ADAM20: variants seen among roughly 807,000 people sequenced by gnomAD.
The protein encoded by ADAM20 is ADAM metallopeptidase domain 20, also known as disintegrin and metalloproteinase domain-containing protein 20.
For missense variants in ADAM20, 871 were observed against 883.2 expected (o/e 0.99, Z 0.18); for synonymous variants, 305 against 310.2 (o/e 0.98, Z 0.18).
chr14:70,556,459 C>T, the ADAM20 span: 1 of 152,346 alleles, frequency 6.6e-6, no homozygotes, highest in African/African-American at 2.4e-5. Context: ...TCTGGGAGTT[C>T]TCAGCACCCC....
chr14:70,522,979 G>GC lies in ADAM20; in HGVS notation c.1778dup (p.Thr594HisfsTer2), dbSNP rs1566654542. On this transcript the variant is annotated frameshift_variant, in exon 2 of 2. Coordinates refer to ENST00000256389, the MANE Select transcript of ADAM20 (RefSeq NM_003814.5). LOFTEE classifies it low-confidence loss of function (END_TRUNC). Reference sequence around the variant, plus strand: ...TAGCCATCCCTAAATGATAATCAGTGCCCCAGCAAGTGGTGTCATTGAGGT... The same window carrying GC: ...TAGCCATCCCTAAATGATAATCAGTGCCCCCAGCAAGTGGTGTCATTGAGGT... 2 of 1,614,004 alleles carry GC rather than the reference G, an allele frequency of 1.2e-6. No homozygotes were observed. Among genetic ancestry groups the GC allele is most frequent in the Non-Finnish European group, 1.7e-6 (2 of 1,179,962 alleles).
At position 70,524,382 on chromosome 14, in the gene ADAM20, T is replaced by C; in HGVS notation, c.376A>G (p.Ser126Gly). The C allele has an allele frequency of 1.9e-6, 3 of 1,613,970 alleles. No individual in the cohort carries two copies. The highest frequency in any genetic ancestry group is 2.5e-6 in the Non-Finnish European group (3 of 1,179,916). Residue 126 changes from serine (S) to glycine (G), a missense_variant, in exon 2 of 2, where the codon AGT becomes GGT. Ser to Gly is a moderately conservative substitution (Grantham distance 56, BLOSUM62 0). Coordinates refer to ENST00000256389, the MANE Select transcript of ADAM20 (RefSeq NM_003814.5). ...CCAAGAAAGCCCCCAGAACAGGTAC[T>C]AAGGGCAACCAAGGACTCAGGGACC... ...EGVPESLVAL[S>G]TCSGGFLGML... is the part of the protein sequence containing the mutation.
At chr14:70,546,980 C>A in the ADAM20 span, among the ~76,000 whole-genome samples, 3 of 151,934 alleles carry the variant, frequency 2.0e-5, no homozygotes, top group African/African-American at 7.3e-5. Context: ...AGACAGAAGA[C>A]CCAAATCAAT....
chr14:70,544,628 C>A, the ADAM20 span, among the ~76,000 whole-genome samples: 1 of 151,832 alleles, frequency 6.6e-6, no homozygotes, highest in Non-Finnish European at 1.5e-5. Context: ...AATGAAAGTA[C>A]AAAATAATTC....
At chr14:70,553,082 T>C in the ADAM20 span, among the ~76,000 whole-genome samples, 50 of 37,192 alleles carry the variant, frequency 1.3e-3, no homozygotes, top group African/African-American at 4.1e-3. Context: ...CACCGCATAT[T>C]CTCACTCATA....
the ADAM20 span, among the ~76,000 whole-genome samples, chr14:70,568,465 T>C: frequency 6.6e-6 from 1 of 152,174 alleles, no homozygotes; most frequent in Non-Finnish European, 1.5e-5. Context: ...ACTCTGGCAG[T>C]ATAAAAAGCC....
chr14:70,570,967 A>G, the ADAM20 span, among the ~76,000 whole-genome samples: 1 of 152,212 alleles, frequency 6.6e-6, no homozygotes, highest in South Asian at 2.1e-4. Flanking sequence ...ACACAAATCA[A>G]TATTATTCAC....
chr14:70,547,019 C>T, the ADAM20 span, among the ~76,000 whole-genome samples: 13 of 152,080 alleles, frequency 8.5e-5, no homozygotes, highest in African/African-American at 2.9e-4. Flanking sequence ...GGAGACATCA[C>T]AACTGATGTC....
chr14:70,532,760 T>A (rs56392092), intron 1 of ADAM20, among the ~76,000 whole-genome samples: 1 of 152,034 alleles, frequency 6.6e-6, no homozygotes, highest in African/African-American at 2.4e-5. Context: ...GCCAAACATC[T>A]ATCTGATACC....
chr14:70,569,175 C>T, the ADAM20 span, among the ~76,000 whole-genome samples: 6 of 152,068 alleles, frequency 3.9e-5, no homozygotes, highest in Admixed American at 3.3e-4. Context: ...TCCTGCCAAA[C>T]AGCTTCATAA....
At chr14:70,567,854 T>C in the ADAM20 span, among the ~76,000 whole-genome samples, 2 of 152,050 alleles carry the variant, frequency 1.3e-5, no homozygotes, top group African/African-American at 4.8e-5. Flanking sequence ...AGGGGCAAGA[T>C]AGGGAAGCAG....
At chr14:70,555,497 T>A in the ADAM20 span, among the ~76,000 whole-genome samples, 1 of 152,196 alleles carries the variant, frequency 6.6e-6, no homozygotes, top group Admixed American at 6.5e-5. Flanking sequence ...TTGGTGAAAA[T>A]ATACGAACAC....
the ADAM20 span, among the ~76,000 whole-genome samples, chr14:70,559,866 C>A: frequency 6.6e-6 from 1 of 152,000 alleles, no homozygotes; most frequent in Non-Finnish European, 1.5e-5. Flanking sequence ...GATGGATGAT[C>A]CATGAAGTAA....
upstream of ADAM20, among the ~76,000 whole-genome samples, chr14:70,537,658 C>T (rs769306708): frequency 3.9e-5 from 6 of 152,166 alleles, no homozygotes; most frequent in Admixed American, 1.3e-4. Context: ...CAGACACCCT[C>T]GGCTTCTTCT....
At chr14:70,555,973 G>A in the ADAM20 span, among the ~76,000 whole-genome samples, 2 of 152,328 alleles carry the variant, frequency 1.3e-5, no homozygotes, top group African/African-American at 4.8e-5. Context: ...CGGATGCGGT[G>A]GCGGCCAACA....
chr14:70,529,971 G>A (rs910785874), intron 1 of ADAM20, among the ~76,000 whole-genome samples: 2 of 151,784 alleles, frequency 1.3e-5, no homozygotes, highest in African/African-American at 4.8e-5. Flanking sequence ...ATAAAACATT[G>A]TACAGCTGTA....
chr14:70,564,782 C>T, the ADAM20 span, among the ~76,000 whole-genome samples: 1 of 135,644 alleles, frequency 7.4e-6, no homozygotes. Flanking sequence ...CACAGTGGCT[C>T]ACACCTGTAA....
intron 1 of ADAM20, among the ~76,000 whole-genome samples, chr14:70,531,160 T>C (rs1883702873): frequency 1.3e-5 from 2 of 151,894 alleles, no homozygotes. Flanking sequence ...GACTTAGAAA[T>C]AAAAAGGTCT....
the ADAM20 span, among the ~76,000 whole-genome samples, chr14:70,577,525 C>T: frequency 6.6e-6 from 1 of 152,088 alleles, no homozygotes; most frequent in African/African-American, 2.4e-5. Context: ...AACACTAGAA[C>T]AAATATATGA....
Sources: allele counts gnomAD v4.1 joint callset (sites outside exome capture counted in the v4.1 genomes callset), GRCh38; gene constraint gnomAD v4.1.1; transcripts MANE v1.5; gene names NCBI Gene and HGNC (gene_info 2026-07-23, HGNC 2026-07-21).